GRM8: variants seen among roughly 807,000 people sequenced by gnomAD.
GRM8 encodes metabotropic glutamate receptor 8.
A neutral mutation model predicts 87.2 loss-of-function variants in GRM8; 47 were observed. That is an observed-to-expected ratio of 0.54 (90% CI 0.43 to 0.69). The LOEUF (loss-of-function observed/expected upper bound fraction) is 0.69, where lower values mean the gene tolerates loss of function less well. Ranked by LOEUF, GRM8 falls within the 30% of genes least tolerant of loss-of-function variation. GRM8 has a pLI of 0.00. For missense variants in GRM8, 1,019 were observed against 1,139.2 expected, an observed-to-expected ratio of 0.89 and a Z score of 1.52; for synonymous variants, 396 against 404.5, an observed-to-expected ratio of 0.98 and a Z score of 0.25.
At chr7:126,720,662 T>C (rs1812297428) in intron 7 of GRM8, among the ~76,000 whole-genome samples, 1 of 152,116 alleles carries the variant, frequency 6.6e-6, no homozygotes, top group Admixed American at 6.6e-5. Flanking sequence ...AATTCTAATA[T>C]ACTAATAAAA....
chr7:126,459,288 A>G (rs948582181), intron 9 of GRM8, among the ~76,000 whole-genome samples: 19 of 151,672 alleles, frequency 1.3e-4, no homozygotes, highest in African/African-American at 3.6e-4. Context: ...ACAAAACAAA[A>G]CTATATGGAA....
chr7:126,869,933 T>TTAAA (rs1292608202), intron 6 of GRM8: 1 of 77,256 alleles, frequency 1.3e-5, no homozygotes, highest in African/African-American at 4.9e-5. Context: ...CCTCATAGAT[T>TTAAA]AAAAAAAAAA....
At chr7:126,927,952 G>T (rs1805317213) in intron 3 of GRM8, among the ~76,000 whole-genome samples, 3 of 152,124 alleles carry the variant, frequency 2.0e-5, no homozygotes, top group African/African-American at 7.2e-5. Context: ...CATTAGCAAA[G>T]ATGTGAAACC....
intron 3 of GRM8, among the ~76,000 whole-genome samples, chr7:126,925,263 T>A (rs1225066756): frequency 1.3e-5 from 2 of 152,152 alleles, no homozygotes; most frequent in Non-Finnish European, 1.5e-5. Flanking sequence ...CTGTGAAAAA[T>A]TAAATAGCTC....
At chr7:127,007,984 C>T (rs76676304) in intron 3 of GRM8, among the ~76,000 whole-genome samples, 5 of 151,994 alleles carry the variant, frequency 3.3e-5, no homozygotes, top group East Asian at 3.9e-4. Context: ...ATAATAGGCA[C>T]CCAGATCCTG....
rs140912221 is a variant in GRM8, at chr7:127,122,105, C to T, written c.511-15393G>A. Among the ~76,000 whole-genome samples the T allele has an allele frequency of 9.2e-3, 1,401 of 152,258 alleles. 9 individuals are homozygous for T. The highest frequency in any genetic ancestry group is 0.015 in the Non-Finnish European group (1,001 of 68,010). Reference sequence around the variant, plus strand: ...GAGAGTAGGCTTATGAGCTGAGGCACTGGGATACACTGCTATTCTTCAGCA... The same window carrying T: ...GAGAGTAGGCTTATGAGCTGAGGCATTGGGATACACTGCTATTCTTCAGCA... On this transcript the variant is annotated intron_variant, in intron 2 of 10. Transcript: ENST00000339582.
chr7:126,544,878 G>A (rs1197691325), intron 8 of GRM8, among the ~76,000 whole-genome samples: 1 of 152,090 alleles, frequency 6.6e-6, no homozygotes, highest in Non-Finnish European at 1.5e-5. Flanking sequence ...GGACTGAGAG[G>A]AGCACTGGAG....
intron 6 of GRM8, among the ~76,000 whole-genome samples, chr7:126,804,386 G>C (rs1245104908): frequency 6.6e-6 from 1 of 152,086 alleles, no homozygotes; most frequent in Non-Finnish European, 1.5e-5. Context: ...ACTCTATCCC[G>C]CTTCATTGTC....
At chr7:126,611,311 A>G (rs1336688482) in intron 7 of GRM8, among the ~76,000 whole-genome samples, 1 of 152,198 alleles carries the variant, frequency 6.6e-6, no homozygotes, top group Non-Finnish European at 1.5e-5. Context: ...AATGGGAGTA[A>G]TAATGATACT....
chr7:126,738,946 A>G (rs1392865584), intron 7 of GRM8, among the ~76,000 whole-genome samples: 4 of 152,006 alleles, frequency 2.6e-5, no homozygotes, highest in African/African-American at 7.2e-5. Flanking sequence ...CTTTAACAAC[A>G]TAACTTAGGA....
intron 3 of GRM8, among the ~76,000 whole-genome samples, chr7:127,046,167 C>A (rs1048017915): frequency 6.6e-6 from 1 of 151,934 alleles, no homozygotes; most frequent in South Asian, 2.1e-4. Context: ...GTCAGGAGAT[C>A]GAGACCATCC....
chr7:126,720,619 C>T lies in GRM8; in HGVS notation c.1357+49246G>A, dbSNP rs73449094. Among the ~76,000 whole-genome samples, 1,472 of 152,254 alleles carry T rather than the reference C, an allele frequency of 9.7e-3. 28 individuals are homozygous for T. The highest frequency in any genetic ancestry group is 0.033 in the African/African-American group (1,390 of 41,554). On this transcript the variant is annotated intron_variant, in intron 7 of 10. Coordinates refer to ENST00000339582, the MANE Select transcript of GRM8 (RefSeq NM_000845.3). ...GATAAGTAGATTATTTCTGAGACCCCATACACACTGTCTTTACAATTCCAA... is the reference window on the plus strand; with the variant it reads ...GATAAGTAGATTATTTCTGAGACCCTATACACACTGTCTTTACAATTCCAA...
chr7:126,610,658 G>A (rs994466916), intron 7 of GRM8, among the ~76,000 whole-genome samples: 1 of 152,064 alleles, frequency 6.6e-6, no homozygotes, highest in African/African-American at 2.4e-5. Context: ...TCACAAAATT[G>A]TAAAATATTT....
At chr7:126,683,116 C>G (rs1807793323) in intron 7 of GRM8, among the ~76,000 whole-genome samples, 1 of 152,130 alleles carries the variant, frequency 6.6e-6, no homozygotes, top group African/African-American at 2.4e-5. Flanking sequence ...ATAAGCAGAC[C>G]ACAGCAGTCA....
chr7:126,801,221 G>C (rs1421206518), intron 6 of GRM8, among the ~76,000 whole-genome samples: 2 of 152,002 alleles, frequency 1.3e-5, no homozygotes, highest in African/African-American at 2.4e-5. Flanking sequence ...CCATTCTCTA[G>C]ATAACCATTT....
intron 3 of GRM8, among the ~76,000 whole-genome samples, chr7:127,037,841 G>GTT (rs985295043): frequency 3.3e-5 from 5 of 151,462 alleles, no homozygotes; most frequent in Non-Finnish European, 7.4e-5. Flanking sequence ...CCGTGTGTGT[G>GTT]TGTGTGTGTG....
intron 7 of GRM8, among the ~76,000 whole-genome samples, chr7:126,707,033 G>A (rs553694965): frequency 1.8e-4 from 28 of 152,018 alleles, no homozygotes; most frequent in East Asian, 3.9e-4. Flanking sequence ...GCTGGGTATC[G>A]CAGCTCATGC....
intron 8 of GRM8, among the ~76,000 whole-genome samples, chr7:126,597,522 C>G (rs1797318576): frequency 6.6e-6 from 1 of 151,912 alleles, no homozygotes; most frequent in Non-Finnish European, 1.5e-5. Context: ...ATGTTTATAA[C>G]CTTATTTTAA....
At chr7:127,121,172 A>T (rs1322631904) in intron 2 of GRM8, among the ~76,000 whole-genome samples, 1 of 152,212 alleles carries the variant, frequency 6.6e-6, no homozygotes, top group East Asian at 1.9e-4. Flanking sequence ...TAGGAGACGG[A>T]TGAAAAGATT....
Sources: gnomAD v4.1 joint callset for allele counts (sites outside exome capture counted in the v4.1 genomes callset) on GRCh38, gnomAD v4.1.1 for gene constraint, MANE v1.5 for transcripts, NCBI Gene and HGNC (gene_info 2026-07-23, HGNC 2026-07-21) for gene names.